The following RTN1 variants were observed in gnomAD, a reference collection of about 807,000 sequenced individuals.
RTN1 encodes reticulon-1.
Under a neutral mutation model 65.5 loss-of-function variants are expected in RTN1, and 25 were observed. That is an observed-to-expected ratio of 0.38 (90% CI 0.28 to 0.53). RTN1 has a LOEUF of 0.53. Among genes scored for constraint, RTN1 ranks in the 20% least tolerant of loss-of-function variants. The pLI, the probability that RTN1 is intolerant of heterozygous loss-of-function variation, is 0.79. For synonymous variants in RTN1, 471 were observed against 447.6 expected (o/e 1.05, Z -0.66); for missense variants, 983 against 1,025.4 (o/e 0.96, Z 0.57).
chr14:59,745,010 G>A (rs1485620594), intron 2 of RTN1, among the ~76,000 whole-genome samples: 2 of 152,092 alleles, frequency 1.3e-5, no homozygotes, highest in Non-Finnish European at 1.5e-5. Flanking sequence ...CTTCATGAGT[G>A]GATTATCCCA....
At position 59,749,240 on chromosome 14, in the gene RTN1, ATATATATCTATATATC is replaced by A. The variant is rs201329622; in HGVS notation, c.242-2775_242-2760del. 1.7e-3 allele frequency among the ~76,000 whole-genome samples: 100 copies of A among 59,452 alleles called. 5 individuals carry two copies. The highest frequency in any genetic ancestry group is 4.9e-3 in the African/African-American group (57 of 11,580). The allele number at this position is 59,452 out of a possible 152,430, so 39.0% of individuals were successfully genotyped here. ...TATATCTATATATCTATATATATCT[ATATATATCTATATATC>A]TATATATATCTATATATATATCTAT... On this transcript the variant is annotated intron_variant, in intron 1 of 8. Coordinates refer to ENST00000267484, the MANE Select transcript of RTN1 (RefSeq NM_021136.3).
At chr14:59,603,831 T>TACA (rs1881657851) in intron 6 of RTN1, 21 bp downstream of exon 6, 4 of 1,595,382 alleles carry the variant, frequency 2.5e-6, no homozygotes, top group Non-Finnish European at 3.4e-6. Flanking sequence ...GGAAGACGTA[T>TACA]ACAGTCTTAT....
intron 1 of RTN1, among the ~76,000 whole-genome samples, chr14:59,796,025 G>A (rs182062165): frequency 6.6e-6 from 1 of 152,106 alleles, no homozygotes; most frequent in Non-Finnish European, 1.5e-5. Context: ...ATGAGGTAAG[G>A]TCTCTGCCCC....
At chr14:59,703,681 A>G (rs1884229839) in intron 3 of RTN1, among the ~76,000 whole-genome samples, 1 of 152,238 alleles carries the variant, frequency 6.6e-6, no homozygotes, top group Admixed American at 6.5e-5. Context: ...AAGTTCCGTG[A>G]GAGCACAAAT....
intron 3 of RTN1, among the ~76,000 whole-genome samples, chr14:59,651,756 A>AACAG (rs1555353613): frequency 6.6e-6 from 1 of 150,476 alleles, no homozygotes; most frequent in Non-Finnish European, 1.5e-5. Context: ...CAAACAAACA[A>AACAG]CCCCCCCAAA....
chr14:59,745,593 G>A (rs936806736), intron 2 of RTN1, 115 bp downstream of exon 2: 10 of 795,804 alleles, frequency 1.3e-5, no homozygotes, highest in Admixed American at 8.1e-5. Flanking sequence ...GAAATTTAAG[G>A]GGTCCAGATA....
intron 3 of RTN1, among the ~76,000 whole-genome samples, chr14:59,676,618 T>G (rs566214300): frequency 2.0e-5 from 3 of 151,994 alleles, no homozygotes; most frequent in Admixed American, 6.6e-5. Context: ...CAGGACAACA[T>G]GAAAGGTGGA....
intron 1 of RTN1, among the ~76,000 whole-genome samples, chr14:59,789,032 A>G (rs1296620792): frequency 6.6e-6 from 1 of 152,018 alleles, no homozygotes; most frequent in Non-Finnish European, 1.5e-5. Flanking sequence ...TATATTATGT[A>G]ATATTGTTAA....
At chr14:59,834,847 G>A (rs910664825) in intron 1 of RTN1, among the ~76,000 whole-genome samples, 1 of 152,184 alleles carries the variant, frequency 6.6e-6, no homozygotes, top group Non-Finnish European at 1.5e-5. Context: ...CAAAAGGACT[G>A]ACAATAGCAA....
chr14:59,623,963 G>A (rs189014967), intron 3 of RTN1, among the ~76,000 whole-genome samples: 4 of 152,274 alleles, frequency 2.6e-5, no homozygotes, highest in Admixed American at 2.0e-4. Flanking sequence ...GAAGAAAGGG[G>A]ATAAAATATG....
intron 1 of RTN1, among the ~76,000 whole-genome samples, chr14:59,853,659 C>T (rs901490531): frequency 7.2e-5 from 11 of 152,024 alleles, no homozygotes; most frequent in African/African-American, 1.7e-4. Flanking sequence ...TTGGGCATCT[C>T]GAGTTAACGA....
chr14:59,758,055 C>G (rs1885674763), intron 1 of RTN1, among the ~76,000 whole-genome samples: 1 of 152,082 alleles, frequency 6.6e-6, no homozygotes, highest in African/African-American at 2.4e-5. Flanking sequence ...TTCCTCCTTC[C>G]TAACCCCAGT....
intron 3 of RTN1, among the ~76,000 whole-genome samples, chr14:59,675,446 G>A (rs376304120): frequency 0.092 from 3,288 of 35,686 alleles, 62 homozygotes; most frequent in Non-Finnish European, 0.26. Context: ...ATAGGACTTG[G>A]GGGGGGGGCG....
rs1885018592 is a variant in RTN1, at chr14:59,737,156, T to C, written c.1015+8552A>G. On this transcript the variant is annotated intron_variant, in intron 2 of 8. Coordinates refer to ENST00000267484, the MANE Select transcript of RTN1 (RefSeq NM_021136.3). ...TCCTATTCAACACAGTATTGGAAGT[T>C]CTGGCCAGGGCAATCAGGCAAGAGA... Among the ~76,000 whole-genome samples, 9 of 152,206 alleles carry C rather than the reference T, an allele frequency of 5.9e-5. No individual in the cohort carries two copies. The South Asian group carries it at 1.9e-3, about 31-fold the overall frequency.
At chr14:59,614,786 T>C (rs1882056950) in intron 3 of RTN1, among the ~76,000 whole-genome samples, 1 of 152,168 alleles carries the variant, frequency 6.6e-6, no homozygotes, top group Admixed American at 6.5e-5. Context: ...TCCGATGTCC[T>C]AGGCTCCACC....
intron 3 of RTN1, among the ~76,000 whole-genome samples, chr14:59,659,062 C>T (rs1883185373): frequency 6.6e-6 from 1 of 151,836 alleles, no homozygotes; most frequent in Admixed American, 6.6e-5. Context: ...AGCTGAAAAA[C>T]ACAGCAAGAG....
intron 1 of RTN1, among the ~76,000 whole-genome samples, chr14:59,843,002 T>C (rs1162910732): frequency 6.6e-6 from 1 of 152,196 alleles, no homozygotes; most frequent in Admixed American, 6.5e-5. Context: ...TCAAGAGAAA[T>C]GTTTCCACAG....
Position 59,774,662 on chromosome 14 carries a change from T to A in RTN1, c.242-28181A>T, listed in dbSNP as rs192911679. ...ATTTGGAATCTCATATTTATATGTG[T>A]ATTCTTAATGTTCCTTTCTAAATAA... On this transcript the variant is annotated intron_variant, in intron 1 of 8. Coordinates refer to ENST00000267484, the MANE Select transcript of RTN1 (RefSeq NM_021136.3). This position sits in a 1 kb window ranked among gnomAD's most constrained non-coding sequence, Gnocchi z 5.1. Among the ~76,000 whole-genome samples the A allele has an allele frequency of 6.7e-6, 1 of 150,344 alleles. No homozygotes were observed. Among genetic ancestry groups the A allele is most frequent in the Admixed American group, 6.6e-5 (1 of 15,252 alleles).
chr14:59,792,138 C>T (rs1886360051), intron 1 of RTN1, among the ~76,000 whole-genome samples: 1 of 152,038 alleles, frequency 6.6e-6, no homozygotes, highest in South Asian at 2.1e-4. Context: ...TGATGGCTGC[C>T]AGCATACTTT....
Sources: allele counts gnomAD v4.1 joint callset (sites outside exome capture counted in the v4.1 genomes callset), GRCh38; gene constraint gnomAD v4.1.1; non-coding constraint Gnocchi (gnomAD v3.1); transcripts MANE v1.5; gene names NCBI Gene and HGNC (gene_info 2026-07-23, HGNC 2026-07-21).